Variants in COL24A1 observed in about 807,000 individuals in gnomAD.
COL24A1 encodes the protein collagen alpha-1(XXIV) chain.
In COL24A1, 224 loss-of-function variants were observed where a neutral mutation model predicts 253.9. That is an observed-to-expected ratio of 0.88 (90% CI 0.79 to 0.99). The LOEUF is 0.99. COL24A1 is among the 50% of genes least tolerant of loss of function. The probability of loss-of-function intolerance (pLI) is 0.00; values close to 1 mark genes in which losing one functional copy is unlikely to be tolerated. For missense variants in COL24A1, 2,131 were observed against 2,068.5 expected (o/e 1.03, Z -0.59); for synonymous variants, 685 against 673.7 (o/e 1.02, Z -0.26).
chr1:86,043,536 A>G (rs969033060), intron 12 of COL24A1, among the ~76,000 whole-genome samples: 3 of 149,134 alleles, frequency 2.0e-5, no homozygotes, highest in Non-Finnish European at 4.5e-5. Context: ...TTTATTTTTC[A>G]TTTTTTTTTT....
Position 85,945,000 on chromosome 1 carries a change from GTGTTT to G in COL24A1, c.2562+16244_2562+16248del, listed in dbSNP as rs1349506705. Among the ~76,000 whole-genome samples the G allele has an allele frequency of 4.4e-3, 160 of 36,120 alleles. 9 individuals are homozygous for G. Among genetic ancestry groups the G allele is most frequent in the African/African-American group, 0.015 (151 of 10,370 alleles). The allele number at this position is 36,120 out of a possible 152,430, so 23.7% of individuals were successfully genotyped here. A position where few individuals can be genotyped will look rare whatever the true frequency, so the allele number is the denominator to read the frequency against. ...CATTTTCTTAATCCAGTCTATCATT[GTGTTT>G]TTTTTTTTTTTTTTTTTTTTTTTTT... On this transcript the variant is annotated intron_variant, in intron 24 of 59. Coordinates refer to ENST00000370571, the MANE Select transcript of COL24A1 (RefSeq NM_152890.7).
intron 23 of COL24A1, among the ~76,000 whole-genome samples, chr1:85,961,935 G>C (rs1197886325): frequency 6.6e-6 from 1 of 152,036 alleles, no homozygotes; most frequent in Admixed American, 6.6e-5. Flanking sequence ...CATGAGAGTT[G>C]GGCAGGGACA....
At chr1:85,802,664 C>A (rs1671557929) in intron 47 of COL24A1, among the ~76,000 whole-genome samples, 3 of 152,046 alleles carry the variant, frequency 2.0e-5, no homozygotes, top group Admixed American at 2.0e-4. Context: ...TAAACCATCA[C>A]CACTATCAAG....
chr1:85,860,396 A>T (rs1225315952), intron 37 of COL24A1, among the ~76,000 whole-genome samples: 2 of 152,126 alleles, frequency 1.3e-5, no homozygotes, highest in Admixed American at 6.6e-5. Flanking sequence ...GGCAACCACT[A>T]ATCCACTTTC....
intron 5 of COL24A1, among the ~76,000 whole-genome samples, chr1:86,094,605 C>T (rs77934242): frequency 0.045 from 6,843 of 151,894 alleles, 175 homozygotes; most frequent in Non-Finnish European, 0.059. Context: ...CAAACTTGCA[C>T]ATGTACCCCT....
intron 19 of COL24A1, among the ~76,000 whole-genome samples, chr1:86,009,479 G>T (rs1299051458): frequency 6.6e-6 from 1 of 152,092 alleles, no homozygotes; most frequent in Non-Finnish European, 1.5e-5. Flanking sequence ...TTGCTTCTAG[G>T]CTACAAACCT....
intron 14 of COL24A1, among the ~76,000 whole-genome samples, chr1:86,023,607 T>C (rs1409743951): frequency 2.0e-5 from 3 of 152,096 alleles, no homozygotes; most frequent in Non-Finnish European, 4.4e-5. Flanking sequence ...CGAGACACTG[T>C]TGAAGAAAAA....
chr1:85,825,054 C>G (rs1473054785), intron 43 of COL24A1, among the ~76,000 whole-genome samples: 1 of 151,064 alleles, frequency 6.6e-6, no homozygotes, highest in Non-Finnish European at 1.5e-5. Flanking sequence ...GGTATATCCC[C>G]CAATGCTATC....
intron 20 of COL24A1, among the ~76,000 whole-genome samples, chr1:85,983,237 T>TA (rs1693418150): frequency 6.6e-6 from 1 of 151,970 alleles, no homozygotes; most frequent in Admixed American, 6.6e-5. Context: ...GAATAGAGAA[T>TA]ATTTATTTGC....
chr1:86,123,531 CAG>C (rs1419565195), intron 3 of COL24A1, among the ~76,000 whole-genome samples: 4 of 151,916 alleles, frequency 2.6e-5, no homozygotes, highest in African/African-American at 9.7e-5. Context: ...TTGCTTATAG[CAG>C]AGACTAAGTA....
intron 43 of COL24A1, among the ~76,000 whole-genome samples, chr1:85,838,210 T>C (rs935623833): frequency 6.6e-6 from 1 of 152,224 alleles, no homozygotes; most frequent in Non-Finnish European, 1.5e-5. Context: ...CCACATTTTG[T>C]TGGGGGAAGA....
rs146065147 is a variant in COL24A1, at chr1:86,125,478, T to G, written c.858A>C (p.Glu286Asp). The G allele has an allele frequency of 5.4e-4, 872 of 1,613,710 alleles. No individual in the cohort carries two copies. Among genetic ancestry groups the G allele is most frequent in the Non-Finnish European group, 7.0e-4 (824 of 1,179,794 alleles). ...TTATGATATTTGGAATGCTTTTGCCTTCAGTAAATGTATCCTCTGACAGTA... is the reference window on the plus strand; with the variant it reads ...TTATGATATTTGGAATGCTTTTGCCGTCAGTAAATGTATCCTCTGACAGTA... ...EKVLSEDTFT[E>D]GKSIPNIIKN... The change falls in exon 3 of 60, where the codon GAA becomes GAC. Residue 286 changes from glutamate (E) to aspartate (D), a missense_variant. By Grantham distance (45) the Glu-to-Asp change is conservative. Transcript: ENST00000370571.
chr1:85,817,422 G>T (rs377164855), intron 46 of COL24A1, among the ~76,000 whole-genome samples: 1 of 152,014 alleles, frequency 6.6e-6, no homozygotes, highest in East Asian at 1.9e-4. Flanking sequence ...ATCTGAATGT[G>T]CTTATAATTT....
At chr1:85,822,383 A>C (rs921868791) in intron 45 of COL24A1, among the ~76,000 whole-genome samples, 2 of 152,144 alleles carry the variant, frequency 1.3e-5, no homozygotes, top group Non-Finnish European at 2.9e-5. Context: ...AGTGTAGTGC[A>C]TTTTCTTAAG....
intron 1 of COL24A1, among the ~76,000 whole-genome samples, chr1:86,152,923 A>G (rs1652969834): frequency 6.6e-6 from 1 of 152,164 alleles, no homozygotes; most frequent in Non-Finnish European, 1.5e-5. Flanking sequence ...CCCAAAATCA[A>G]GAAAAGTCAA....
At chr1:85,993,344 T>C (rs1694465153) in intron 19 of COL24A1, among the ~76,000 whole-genome samples, 1 of 151,960 alleles carries the variant, frequency 6.6e-6, no homozygotes, top group Admixed American at 6.6e-5. Context: ...CTTATACACA[T>C]ATACACAAAC....
chr1:85,872,981 C>CA (rs1218771521), intron 35 of COL24A1, among the ~76,000 whole-genome samples: 5 of 152,144 alleles, frequency 3.3e-5, no homozygotes, highest in Non-Finnish European at 5.9e-5. Context: ...AGAACTCAAA[C>CA]AAACTTACAA....
intron 24 of COL24A1, among the ~76,000 whole-genome samples, chr1:85,943,900 T>G (rs1210876097): frequency 6.6e-6 from 1 of 152,250 alleles, no homozygotes; most frequent in Admixed American, 6.5e-5. Flanking sequence ...GAAAAGACTT[T>G]TAGAAAGTTC....
intron 28 of COL24A1, among the ~76,000 whole-genome samples, chr1:85,901,581 G>A (rs188523690): frequency 1.3e-5 from 2 of 151,886 alleles, no homozygotes; most frequent in East Asian, 1.9e-4. Context: ...AGGCCAAGGC[G>A]GGTGGGATCA....
Sources: allele counts gnomAD v4.1 joint callset (sites outside exome capture counted in the v4.1 genomes callset), GRCh38; gene constraint gnomAD v4.1.1; transcripts MANE v1.5; gene names NCBI Gene and HGNC (gene_info 2026-07-23, HGNC 2026-07-21).